The following GHR variants were observed in gnomAD, a reference collection of about 807,000 sequenced individuals.
GHR encodes the protein GH receptor.
Under a neutral mutation model 67.1 loss-of-function variants are expected in GHR, and 35 were observed. The ratio of observed to expected loss-of-function variants is 0.52; its 90% CI spans 0.40 to 0.69. The LOEUF is 0.69. GHR is among the 30% of genes least tolerant of loss of function. The pLI is 0.00. For synonymous variants in GHR, 272 were observed against 269.1 expected (o/e 1.01, Z -0.10); for missense variants, 792 against 764.6 (o/e 1.04, Z -0.42).
chr5:42,613,973 C>T (rs572814862), intron 2 of GHR, among the ~76,000 whole-genome samples: 178 of 152,126 alleles, frequency 1.2e-3, no homozygotes, highest in African/African-American at 4.2e-3. Context: ...CTACTTGTAC[C>T]CTGGCTCAAA....
intron 1 of GHR, among the ~76,000 whole-genome samples, chr5:42,550,315 C>T (rs1346826924): frequency 2.0e-5 from 3 of 152,130 alleles, no homozygotes; most frequent in African/African-American, 7.2e-5. Context: ...TAAAATGCAA[C>T]CTTTAGACTA....
At chr5:42,699,426 C>T (rs984452834) in intron 5 of GHR, among the ~76,000 whole-genome samples, 6 of 152,134 alleles carry the variant, frequency 3.9e-5, no homozygotes, top group South Asian at 2.1e-4. Context: ...CCCCTAGTTC[C>T]GAAGCAGCCC....
At chr5:42,545,725 G>T (rs1748705363) in intron 1 of GHR, among the ~76,000 whole-genome samples, 2 of 152,050 alleles carry the variant, frequency 1.3e-5, no homozygotes, top group Non-Finnish European at 2.9e-5. Flanking sequence ...TGTTTTGGGG[G>T]GTTGGGTACA....
intron 2 of GHR, among the ~76,000 whole-genome samples, chr5:42,584,014 C>G (rs776548905): frequency 3.4e-4 from 51 of 151,906 alleles, no homozygotes; most frequent in Non-Finnish European, 6.0e-4. Context: ...TCTTTGCGGT[C>G]CGTTAGTAGT....
intron 2 of GHR, among the ~76,000 whole-genome samples, chr5:42,587,635 G>A (rs1013296445): frequency 2.6e-5 from 4 of 151,834 alleles, no homozygotes; most frequent in African/African-American, 9.7e-5. Flanking sequence ...CTTTCGTATC[G>A]GAATGTGAAC....
intron 3 of GHR, among the ~76,000 whole-genome samples, chr5:42,687,923 C>T (rs1411204156): frequency 6.6e-6 from 1 of 152,140 alleles, no homozygotes; most frequent in East Asian, 1.9e-4. Context: ...AATTCATACA[C>T]AAAAATGTGT....
intron 1 of GHR, among the ~76,000 whole-genome samples, chr5:42,556,060 C>A (rs1028736287): frequency 5.9e-5 from 9 of 152,064 alleles, no homozygotes; most frequent in Non-Finnish European, 1.3e-4. Flanking sequence ...TTGCCTCACT[C>A]TTGGTTTCCC....
At chr5:42,468,243 TTC>T in intron 1 of GHR, 1 of 1,549,498 alleles carries the variant, frequency 6.5e-7, no homozygotes, top group South Asian at 1.1e-5. Context: ...CTGGGAAGTT[TTC>T]TTCTTCCTCC....
intron 4 of GHR, among the ~76,000 whole-genome samples, chr5:42,690,239 G>C (rs1233989344): frequency 1.3e-5 from 2 of 152,172 alleles, no homozygotes; most frequent in Non-Finnish European, 2.9e-5. Flanking sequence ...AGCAGTTAAG[G>C]GTATGAGCTC....
At chr5:42,712,425 A>G (rs1316271921) in intron 7 of GHR, among the ~76,000 whole-genome samples, 2 of 151,838 alleles carry the variant, frequency 1.3e-5, no homozygotes, top group Non-Finnish European at 2.9e-5. Context: ...TTACTAACAA[A>G]AAAGAAGCTC....
intron 3 of GHR, among the ~76,000 whole-genome samples, chr5:42,683,333 ACTT>A (rs1312015955): frequency 2.6e-5 from 4 of 152,082 alleles, no homozygotes; most frequent in Non-Finnish European, 4.4e-5. Flanking sequence ...GAGGGCCTCT[ACTT>A]CTTGCTGAGT....
chr5:42,654,660 G>A (rs1442399149), intron 3 of GHR, among the ~76,000 whole-genome samples: 1 of 152,068 alleles, frequency 6.6e-6, no homozygotes, highest in Admixed American at 6.6e-5. Flanking sequence ...CAACTAGGGG[G>A]CAAAAATGGA....
chr5:42,634,545 T>G (rs1163893553), intron 3 of GHR, among the ~76,000 whole-genome samples: 1 of 131,414 alleles, frequency 7.6e-6, no homozygotes, highest in Non-Finnish European at 1.6e-5. Flanking sequence ...ACACACACAC[T>G]GCAAAAAATA....
At chr5:42,500,638 T>A (rs1224016886) in intron 1 of GHR, among the ~76,000 whole-genome samples, 8 of 152,236 alleles carry the variant, frequency 5.3e-5, no homozygotes, top group African/African-American at 1.9e-4. Context: ...CAGACCTTCA[T>A]GATTATTTTC....
At chr5:42,475,176 C>G (rs1467856516) in intron 1 of GHR, among the ~76,000 whole-genome samples, 3 of 152,106 alleles carry the variant, frequency 2.0e-5, no homozygotes, top group African/African-American at 2.4e-5. Context: ...CCGCGCCCAG[C>G]CTGCCCTTGA....
At chr5:42,495,099 T>C (rs1252445878) in intron 1 of GHR, among the ~76,000 whole-genome samples, 1 of 151,088 alleles carries the variant, frequency 6.6e-6, no homozygotes, top group East Asian at 2.1e-4. Context: ...TTTTCTTTGA[T>C]GGAGGTAGAT....
Position 42,664,434 on chromosome 5 carries a change from A to G in GHR, c.137-24456A>G, listed in dbSNP as rs550400414. On this transcript the variant is annotated intron_variant, in intron 3 of 9. Transcript: ENST00000230882. ...GAACAGAACAGAGCCCTCAGAAATA[A>G]CACTGCATGTCTACAACTATCTGAT... Among the ~76,000 whole-genome samples the G allele has an allele frequency of 4.6e-5, 7 of 152,322 alleles. No individual in the cohort carries two copies. The East Asian group carries it at 1.3e-3, about 29-fold the overall frequency.
chr5:42,534,374 GTATATATGTATGTATATATGTA>G (rs1748148704), intron 1 of GHR, among the ~76,000 whole-genome samples: 1 of 136,312 alleles, frequency 7.3e-6, no homozygotes, highest in Non-Finnish European at 1.6e-5. Context: ...GTGTATATGT[GTATATATGTATGTATATATGTA>G]CATGTGTATA....
At chr5:42,455,001 G>T (rs1416123191) in intron 1 of GHR, among the ~76,000 whole-genome samples, 3 of 152,136 alleles carry the variant, frequency 2.0e-5, no homozygotes, top group Non-Finnish European at 4.4e-5. Context: ...GAGGGCCCCT[G>T]TGAGATATAG....
Sources: allele counts gnomAD v4.1 joint callset (sites outside exome capture counted in the v4.1 genomes callset), GRCh38; gene constraint gnomAD v4.1.1; transcripts MANE v1.5; gene names NCBI Gene and HGNC (gene_info 2026-07-23, HGNC 2026-07-21).